RBFOX1: variants seen among roughly 807,000 people sequenced by gnomAD.
RBFOX1 encodes RNA binding protein fox-1 homolog 1.
A neutral mutation model predicts 57.7 loss-of-function variants in RBFOX1; 8 were observed. The ratio of observed to expected loss-of-function variants is 0.14; its 90% CI spans 0.08 to 0.25. The LOEUF (loss-of-function observed/expected upper bound fraction) is 0.25, where lower values mean the gene tolerates loss of function less well. Ranked by LOEUF, RBFOX1 falls within the 10% of genes least tolerant of loss-of-function variation. RBFOX1 has a pLI of 1.00. For missense variants in RBFOX1, 611 were observed against 548.5 expected (o/e 1.11, Z -1.14); for synonymous variants, 326 against 222.4 (o/e 1.47, Z -4.15).
At chr16:5,653,274 T>C (rs1461473941) in intron 3 of RBFOX1, among the ~76,000 whole-genome samples, 5 of 151,108 alleles carry the variant, frequency 3.3e-5, no homozygotes, top group African/African-American at 1.2e-4. Flanking sequence ...ATGCGGAAGG[T>C]GGGGTGCTGA....
intron 3 of RBFOX1, among the ~76,000 whole-genome samples, chr16:6,709,165 G>A (rs1288575548): frequency 1.3e-5 from 2 of 152,030 alleles, no homozygotes; most frequent in Non-Finnish European, 2.9e-5. Context: ...CTGGTAAATT[G>A]GTTCAACAGA....
chr16:7,708,095 C>T (rs966074915), intron 14 of RBFOX1, among the ~76,000 whole-genome samples: 1 of 152,124 alleles, frequency 6.6e-6, no homozygotes, highest in Non-Finnish European at 1.5e-5. Flanking sequence ...AATCCTAACA[C>T]TGAGAGGCTG....
chr16:5,928,235 C>G (rs2058975675), intron 4 of RBFOX1, among the ~76,000 whole-genome samples: 1 of 151,630 alleles, frequency 6.6e-6, no homozygotes, highest in African/African-American at 2.4e-5. Flanking sequence ...CTGAGATTAC[C>G]ACACCTTGCT....
intron 1 of RBFOX1, among the ~76,000 whole-genome samples, chr16:5,311,741 G>C (rs1324371880): frequency 6.6e-6 from 1 of 152,116 alleles, no homozygotes; most frequent in African/African-American, 2.4e-5. Context: ...TTTTCGATGG[G>C]ATGATGTCTT....
intron 2 of RBFOX1, among the ~76,000 whole-genome samples, chr16:6,468,574 C>A (rs1257037295): frequency 6.6e-6 from 1 of 151,786 alleles, no homozygotes; most frequent in Non-Finnish European, 1.5e-5. Flanking sequence ...GGAAATTATT[C>A]TGCCACAAAA....
chr16:7,545,476 C>A (rs2084200878), intron 5 of RBFOX1, among the ~76,000 whole-genome samples: 1 of 152,158 alleles, frequency 6.6e-6, no homozygotes, highest in Non-Finnish European at 1.5e-5. Context: ...CCAGCCCTGG[C>A]ACCCCCCGAC....
intron 1 of RBFOX1, among the ~76,000 whole-genome samples, chr16:6,054,105 G>A (rs1456657912): frequency 6.6e-6 from 1 of 152,104 alleles, no homozygotes; most frequent in African/African-American, 2.4e-5. Context: ...CCCCTTGAGT[G>A]ATGGCTGTAA....
intron 2 of RBFOX1, among the ~76,000 whole-genome samples, chr16:6,374,012 C>T (rs1162069456): frequency 1.3e-5 from 2 of 152,078 alleles, no homozygotes; most frequent in African/African-American, 2.4e-5. Flanking sequence ...CTCAGCTTGG[C>T]GTAAATACAG....
In RBFOX1 at chr16:6,661,425, C is replaced by T. The variant is rs550559811; in HGVS notation, c.-16+6775C>T. On this transcript the variant is annotated intron_variant, in intron 3 of 15. Coordinates refer to ENST00000550418, the MANE Select transcript of RBFOX1 (RefSeq NM_018723.4). ...TGTCTGAGATTGGCTAAAGGAGAGA[C>T]TACAGCAGTGAGTAGGTAGCAGGTT... 1.4e-4 allele frequency among the ~76,000 whole-genome samples: 22 copies of T among 152,286 alleles called. 1 individual carries two copies. Among genetic ancestry groups the T allele is most frequent in the African/African-American group, 4.6e-4 (19 of 41,580 alleles).
chr16:6,987,069 C>A (rs1476136266), intron 3 of RBFOX1, among the ~76,000 whole-genome samples: 1 of 152,114 alleles, frequency 6.6e-6, no homozygotes, highest in Non-Finnish European at 1.5e-5. Flanking sequence ...TCTTCCTGGG[C>A]ATCATCCAAG....
chr16:6,100,816 G>C (rs1465306728), intron 1 of RBFOX1, among the ~76,000 whole-genome samples: 1 of 152,176 alleles, frequency 6.6e-6, no homozygotes, highest in Non-Finnish European at 1.5e-5. Context: ...TGGGTGGCCT[G>C]AACACCAAAG....
intron 1 of RBFOX1, among the ~76,000 whole-genome samples, chr16:6,225,567 C>G (rs368222425): frequency 1.7e-4 from 26 of 152,248 alleles, no homozygotes; most frequent in East Asian, 7.7e-4. Flanking sequence ...TCACCTTTTG[C>G]AAATGAGGAT....
chr16:6,267,801 C>A (rs2074709738), intron 1 of RBFOX1, among the ~76,000 whole-genome samples: 1 of 152,098 alleles, frequency 6.6e-6, no homozygotes, highest in Admixed American at 6.5e-5. Flanking sequence ...TTCTGAGCAT[C>A]CATAGCTGAA....
chr16:7,241,232 T>C lies in RBFOX1; in HGVS notation c.27+189134T>C, dbSNP rs547664471. On this transcript the variant is annotated intron_variant, in intron 4 of 15. Coordinates refer to ENST00000550418, the MANE Select transcript of RBFOX1 (RefSeq NM_018723.4). ...CTCTACCATAAATCACACGGAGTTT[T>C]TATTCTCATTAGCTGAATTCTGGCA... Among the ~76,000 whole-genome samples, 3 of 152,296 alleles carry C rather than the reference T, an allele frequency of 2.0e-5. No individual in the cohort carries two copies. In the South Asian group the frequency reaches 6.2e-4, roughly 32 times the overall value.
chr16:6,691,434 C>T (rs1040390924), intron 3 of RBFOX1, among the ~76,000 whole-genome samples: 1 of 151,814 alleles, frequency 6.6e-6, no homozygotes, highest in Non-Finnish European at 1.5e-5. Flanking sequence ...ATTCTCCTTC[C>T]TCAGTACCTT....
intron 3 of RBFOX1, among the ~76,000 whole-genome samples, chr16:5,641,099 TACACATGCATACAC>T (rs1424581940): frequency 4.1e-5 from 6 of 146,742 alleles, no homozygotes; most frequent in East Asian, 2.1e-4. Context: ...ACACCATGCA[TACACATGCATACAC>T]ACACATGCAT....
At chr16:6,959,190 C>G (rs919992779) in intron 3 of RBFOX1, among the ~76,000 whole-genome samples, 1 of 152,240 alleles carries the variant, frequency 6.6e-6, no homozygotes, top group South Asian at 2.1e-4. Flanking sequence ...CTGTGAAATA[C>G]TCGCTCGATT....
intron 7 of RBFOX1, among the ~76,000 whole-genome samples, chr16:7,594,858 G>A (rs910879708): frequency 6.6e-6 from 1 of 152,162 alleles, no homozygotes; most frequent in African/African-American, 2.4e-5. Context: ...GAAAGTATGA[G>A]CACAAACATT....
chr16:6,843,301 T>C (rs1395237228), intron 3 of RBFOX1, among the ~76,000 whole-genome samples: 1 of 152,062 alleles, frequency 6.6e-6, no homozygotes, highest in Non-Finnish European at 1.5e-5. Flanking sequence ...AGAGTGGCCA[T>C]GGTGGTCTTC....
Sources: allele counts gnomAD v4.1 joint callset (sites outside exome capture counted in the v4.1 genomes callset), GRCh38; gene constraint gnomAD v4.1.1; transcripts MANE v1.5; gene names NCBI Gene and HGNC (gene_info 2026-07-23, HGNC 2026-07-21).